Variants in ATXN1 observed in about 807,000 individuals in gnomAD.
The protein encoded by ATXN1 is ataxin-1.
In ATXN1, 8 loss-of-function variants were observed where a neutral mutation model predicts 56.4. That is an observed-to-expected ratio of 0.14 (90% CI 0.08 to 0.26). The LOEUF (loss-of-function observed/expected upper bound fraction) is 0.26, where lower values mean the gene tolerates loss of function less well. Ranked by LOEUF, ATXN1 falls within the 10% of genes least tolerant of loss-of-function variation. The pLI is 1.00. For missense variants in ATXN1, 987 were observed against 1,106.5 expected (o/e 0.89, Z 1.53); for synonymous variants, 514 against 494.6 (o/e 1.04, Z -0.52).
chr6:16,343,306 T>G lies in ATXN1; in HGVS notation c.-160-14836A>C, dbSNP rs1212950101. On this transcript the variant is annotated intron_variant, in intron 6 of 7. Transcript: ENST00000436367. ...TTGCAGTGAGCTGAGATCGCACCACTGCACTCCAGCCTGGGTGACAGAGCG... is the reference window on the plus strand; with the variant it reads ...TTGCAGTGAGCTGAGATCGCACCACGGCACTCCAGCCTGGGTGACAGAGCG... Among the ~76,000 whole-genome samples, 8 of 152,182 alleles carry G rather than the reference T, an allele frequency of 5.3e-5. No individual in the cohort carries two copies. The East Asian group carries it at 1.3e-3, about 26-fold the overall frequency.
Position 16,325,459 on chromosome 6 carries a change from A to G in ATXN1, c.1917+935T>C, listed in dbSNP as rs183180777. ...TCACCCCAGCACCAGCAGCCAGACAACTAAGGACAGCCCCTACACCCCAGA... is the reference window on the plus strand; with the variant it reads ...TCACCCCAGCACCAGCAGCCAGACAGCTAAGGACAGCCCCTACACCCCAGA... On this transcript the variant is annotated intron_variant, in intron 7 of 7. Transcript: ENST00000436367. Among the ~76,000 whole-genome samples, 340 of 152,040 alleles carry G rather than the reference A, an allele frequency of 2.2e-3. 1 individual carries two copies. The highest frequency in any genetic ancestry group is 7.8e-3 in the African/African-American group (323 of 41,468).
chr6:16,504,993 C>CTTTT (rs34197922), intron 5 of ATXN1, among the ~76,000 whole-genome samples: 1 of 135,316 alleles, frequency 7.4e-6, no homozygotes, highest in African/African-American at 2.9e-5. Flanking sequence ...CTCCTGTTTC[C>CTTTT]TTTTTTTTTT....
At chr6:16,402,143 G>A (rs1758586932) in intron 6 of ATXN1, among the ~76,000 whole-genome samples, 1 of 151,290 alleles carries the variant, frequency 6.6e-6, no homozygotes, top group Admixed American at 6.6e-5. Context: ...CCACACACAT[G>A]GGAGGTCAAG....
At chr6:16,735,663 T>C (rs1004475338) in intron 2 of ATXN1, among the ~76,000 whole-genome samples, 4 of 152,192 alleles carry the variant, frequency 2.6e-5, no homozygotes, top group Non-Finnish European at 4.4e-5. Context: ...CACTCACCTG[T>C]AGGTGTACTC....
chr6:16,622,731 T>G (rs77858497), intron 3 of ATXN1, among the ~76,000 whole-genome samples: 1 of 152,314 alleles, frequency 6.6e-6, no homozygotes, highest in African/African-American at 2.4e-5. Context: ...TTTTAAAGAC[T>G]TACTATGCAG....
intron 6 of ATXN1, among the ~76,000 whole-genome samples, chr6:16,370,284 A>G (rs2113489418): frequency 6.6e-6 from 1 of 152,316 alleles, no homozygotes; most frequent in Admixed American, 6.5e-5. Flanking sequence ...CGCCGGACAT[A>G]TTTCAAAAAT....
chr6:16,323,937 T>C (rs1469122408), intron 7 of ATXN1, among the ~76,000 whole-genome samples: 1 of 152,182 alleles, frequency 6.6e-6, no homozygotes, highest in Non-Finnish European at 1.5e-5. Flanking sequence ...GATTTTCTTT[T>C]TTTTTTAAAT....
At chr6:16,616,599 TACTATATATA>T (rs1456762651) in intron 3 of ATXN1, among the ~76,000 whole-genome samples, 1 of 145,394 alleles carries the variant, frequency 6.9e-6, no homozygotes, top group Non-Finnish European at 1.5e-5. Flanking sequence ...ATATATTATA[TACTATATATA>T]AAATATTTTA....
intron 6 of ATXN1, among the ~76,000 whole-genome samples, chr6:16,379,617 G>T (rs1251159700): frequency 1.3e-5 from 2 of 152,112 alleles, no homozygotes; most frequent in Admixed American, 6.6e-5. Context: ...GAACATCCAG[G>T]AAGTGCTAAC....
At chr6:16,587,585 T>C (rs924779257) in intron 3 of ATXN1, among the ~76,000 whole-genome samples, 5 of 152,236 alleles carry the variant, frequency 3.3e-5, no homozygotes, top group South Asian at 2.1e-4. Context: ...CCTTTGCATA[T>C]GACACTCCCT....
At chr6:16,401,893 A>G (rs918149696) in intron 6 of ATXN1, among the ~76,000 whole-genome samples, 1 of 152,204 alleles carries the variant, frequency 6.6e-6, no homozygotes, top group African/African-American at 2.4e-5. Flanking sequence ...TTACAAAAGA[A>G]AGAGGTTTAA....
intron 1 of ATXN1, among the ~76,000 whole-genome samples, chr6:16,759,827 G>T (rs1028262336): frequency 4.0e-5 from 6 of 151,894 alleles, no homozygotes; most frequent in Non-Finnish European, 8.8e-5. Flanking sequence ...AGCCCCCTAC[G>T]TGGTCTGAAA....
rs565061967 is a variant in ATXN1, at chr6:16,328,379, G to A, written c.-69C>T. 54 of 1,434,962 alleles carry A rather than the reference G, an allele frequency of 3.8e-5. No individual in the cohort carries two copies. The highest frequency in any genetic ancestry group is 4.8e-4 in the Middle Eastern group (2 of 4,210). The allele number at this position is 1,434,962 out of a possible 1,614,324, so 88.9% of individuals were successfully genotyped here. On this transcript the variant is annotated 5_prime_UTR_variant, in exon 7 of 8. Coordinates refer to ENST00000436367, the MANE Select transcript of ATXN1 (RefSeq NM_001128164.2). The surrounding 1 kb of genome is among the most constrained non-coding windows in gnomAD (Gnocchi z 6.2). Reference sequence around the variant, plus strand: ...TGGCTCTGATTTTAGTCTGATAAACGGAAAGTCACATTTGATTTCTGTAGG... The same window carrying A: ...TGGCTCTGATTTTAGTCTGATAAACAGAAAGTCACATTTGATTTCTGTAGG...
chr6:16,362,336 G>C (rs752082315), intron 6 of ATXN1, among the ~76,000 whole-genome samples: 14 of 152,136 alleles, frequency 9.2e-5, no homozygotes, highest in Non-Finnish European at 1.8e-4. Flanking sequence ...TTTAAGTGTT[G>C]GAGCTTCAGA....
intron 4 of ATXN1, among the ~76,000 whole-genome samples, chr6:16,530,952 T>C (rs1761492388): frequency 6.6e-6 from 1 of 152,216 alleles, no homozygotes; most frequent in Admixed American, 6.5e-5. Context: ...ACATACCATA[T>C]AAACTCTTCA....
intron 2 of ATXN1, among the ~76,000 whole-genome samples, chr6:16,724,014 G>A (rs191402558): frequency 6.6e-6 from 1 of 152,252 alleles, no homozygotes; most frequent in Admixed American, 6.5e-5. Context: ...ATGACTTCAC[G>A]TTCAAAAGAT....
intron 4 of ATXN1, among the ~76,000 whole-genome samples, chr6:16,573,591 A>C (rs1466857401): frequency 6.6e-6 from 1 of 152,156 alleles, no homozygotes; most frequent in Non-Finnish European, 1.5e-5. Flanking sequence ...AAGAACTGGG[A>C]ACTCTGTGTC....
chr6:16,499,758 A>T (rs916111391), intron 5 of ATXN1, among the ~76,000 whole-genome samples: 1 of 152,068 alleles, frequency 6.6e-6, no homozygotes, highest in Admixed American at 6.6e-5. Flanking sequence ...GATACCTAAG[A>T]CTCTGTTTAT....
chr6:16,334,622 C>G (rs1761074076), intron 6 of ATXN1, among the ~76,000 whole-genome samples: 1 of 152,178 alleles, frequency 6.6e-6, no homozygotes, highest in East Asian at 1.9e-4. Flanking sequence ...GAGGCTAAGG[C>G]AGGAGGATTG....
Sources: gnomAD v4.1 joint callset for allele counts (sites outside exome capture counted in the v4.1 genomes callset) on GRCh38, gnomAD v4.1.1 for gene constraint, Gnocchi (gnomAD v3.1) non-coding constraint, MANE v1.5 for transcripts, NCBI Gene and HGNC (gene_info 2026-07-23, HGNC 2026-07-21) for gene names.